The following CSE1L variants were observed in gnomAD, a reference collection of about 807,000 sequenced individuals.
CSE1L encodes the protein exportin-2.
Under a neutral mutation model 120.4 loss-of-function variants are expected in CSE1L, and 24 were observed. The observed-to-expected ratio is 0.20, with a 90% CI of 0.14 to 0.28. The LOEUF (loss-of-function observed/expected upper bound fraction) is 0.28, where lower values mean the gene tolerates loss of function less well. CSE1L is among the 10% of genes least tolerant of loss of function. The pLI is 1.00. For synonymous variants in CSE1L, 402 were observed against 398.3 expected (o/e 1.01, Z -0.11); for missense variants, 830 against 1,145.2 (o/e 0.72, Z 3.97).
chr20:49,091,144 C>A, intron 21 of CSE1L, 122 bp downstream of exon 21: 2 of 734,798 alleles, frequency 2.7e-6, no homozygotes, highest in Non-Finnish European at 4.5e-6. Flanking sequence ...AATACTTGGC[C>A]ACGTGTGGAG....
intron 2 of CSE1L, among the ~76,000 whole-genome samples, chr20:49,062,237 T>G (rs1357389416): frequency 6.6e-6 from 1 of 152,174 alleles, no homozygotes; most frequent in Non-Finnish European, 1.5e-5. Context: ...TTAACAATCT[T>G]CATCCTTCAA....
At chr20:49,073,532 C>A (rs2091947405) in intron 10 of CSE1L, among the ~76,000 whole-genome samples, 1 of 152,136 alleles carries the variant, frequency 6.6e-6, no homozygotes, top group Non-Finnish European at 1.5e-5. Context: ...GTCACCCAGG[C>A]TGGAGTGCAG....
rs758565893 is a variant in CSE1L, at chr20:49,066,245, C to G, written c.282C>G (p.Ala94=). The change falls in exon 4 of 25, where the codon GCC becomes GCG. Residue 94 remains alanine, a synonymous_variant. Coordinates refer to ENST00000262982, the MANE Select transcript of CSE1L (RefSeq NM_001316.4). ...AAGCCGATCGAGTGGCCATTAAAGC[C>G]AACATAGTGCACTTGATGCTTAGCA... The part of the protein sequence containing the change: ...ICEADRVAIK[A]NIVHLMLSSP... 1 of 1,614,180 alleles carries G rather than the reference C, an allele frequency of 6.2e-7. No individual in the cohort carries two copies. Among genetic ancestry groups the G allele is most frequent in the East Asian group, 2.2e-5 (1 of 44,888 alleles).
At position 49,070,216 on chromosome 20, in the gene CSE1L, A is replaced by T; in HGVS notation, c.687A>T (p.Glu229Asp). 3.5e-6 allele frequency: 5 copies of T among 1,436,744 alleles called. No individual in the cohort carries two copies. Among genetic ancestry groups the T allele is most frequent in the Non-Finnish European group, 4.8e-6 (5 of 1,041,702 alleles). The allele number at this position is 1,436,744 out of a possible 1,614,324, so 89.0% of individuals were successfully genotyped here. The change falls in exon 8 of 25, where the codon GAA becomes GAT. Residue 229 changes from glutamate to aspartate, a missense_variant. Coordinates refer to ENST00000262982, the MANE Select transcript of CSE1L (RefSeq NM_001316.4). ...TGTTTATTCTGTAGGATCTCCCTGA[A>T]TTTTTTGAAGATAATATGGAAACTT... The part of the protein sequence containing the change: ...FYSLNFQDLP[E>D]FFEDNMETWM...
chr20:49,089,522 T>G lies in CSE1L; in HGVS notation c.1973-16T>G. ...CCTTCTGAAGCTCACAGCTCTGTTT[T>G]TACTTTTATCAACAGAATTTATTCC... On this transcript the variant is annotated splice_polypyrimidine_tract_variant and intron_variant, in intron 18 of 24. Transcript: ENST00000262982. The G allele has an allele frequency of 6.2e-7, 1 of 1,613,288 alleles. No homozygotes were observed. Among genetic ancestry groups the G allele is most frequent in the Non-Finnish European group, 8.5e-7 (1 of 1,179,224 alleles).
chr20:49,047,140 A>C (rs1371514317), intron 1 of CSE1L, among the ~76,000 whole-genome samples: 5 of 152,002 alleles, frequency 3.3e-5, no homozygotes, highest in Admixed American at 3.3e-4. Flanking sequence ...TAGACTTTGG[A>C]ATTAGATCGC....
chr20:49,094,491 C>T (rs1476003895), intron 23 of CSE1L, among the ~76,000 whole-genome samples: 1 of 152,104 alleles, frequency 6.6e-6, no homozygotes, highest in Non-Finnish European at 1.5e-5. Flanking sequence ...GATTCATGGA[C>T]CCCTTTAAGA....
intron 15 of CSE1L, among the ~76,000 whole-genome samples, chr20:49,084,714 G>GA (rs2092040129): frequency 6.6e-6 from 1 of 152,166 alleles, no homozygotes; most frequent in Admixed American, 6.5e-5. Flanking sequence ...AAATGTAGAG[G>GA]AATGGATGGT....
chr20:49,059,734 G>A (rs1468705181), intron 2 of CSE1L, among the ~76,000 whole-genome samples: 4 of 151,980 alleles, frequency 2.6e-5, no homozygotes, highest in Non-Finnish European at 5.9e-5. Flanking sequence ...CAAAAACTTA[G>A]CTGGGTGTGG....
chr20:49,071,503 T>C (rs2091931240), intron 8 of CSE1L, among the ~76,000 whole-genome samples: 1 of 152,206 alleles, frequency 6.6e-6, no homozygotes, highest in East Asian at 1.9e-4. Flanking sequence ...CTCTGATGTC[T>C]TCCCTTGTCT....
rs1430693966 is a variant in CSE1L at position 49,074,822 on chromosome 20, G to C, written c.1104G>C (p.Glu368Asp). Residue 368 changes from glutamate to aspartate, a missense_variant, in exon 11 of 25, where the codon GAG (glutamate) becomes GAC (aspartate). Transcript: ENST00000262982. Reference sequence around the variant, plus strand: ...AAGCATTTGAAGATAATTCTGAGGAGTACATAAGGAGAGATTTGGAAGGAT... The same window carrying C: ...AAGCATTTGAAGATAATTCTGAGGACTACATAAGGAGAGATTTGGAAGGAT... ...DEEAFEDNSE[E>D]YIRRDLEGSD... is the part of the protein sequence containing the mutation. 2 of 1,612,818 alleles carry C rather than the reference G, an allele frequency of 1.2e-6. No homozygotes were observed. The highest frequency in any genetic ancestry group is 4.5e-5 in the East Asian group (2 of 44,752).
chr20:49,072,823 C>G, intron 10 of CSE1L, 126 bp downstream of exon 10: 1 of 1,005,322 alleles, frequency 9.9e-7, no homozygotes, highest in East Asian at 2.8e-5. Context: ...ATTTTCTAAA[C>G]CAAGACAGAA....
At chr20:49,076,520 C>CTTTTTTTTT (rs35713931) in intron 12 of CSE1L, among the ~76,000 whole-genome samples, 1 of 79,578 alleles carries the variant, frequency 1.3e-5, no homozygotes, top group Non-Finnish European at 2.3e-5. Context: ...CCCTCTCTCT[C>CTTTTTTTTT]TTTTTTTTTT....
chr20:49,089,170 G>A (rs1182206995), intron 17 of CSE1L, 77 bp from the exon 18 acceptor site: 10 of 1,161,040 alleles, frequency 8.6e-6, no homozygotes, highest in Non-Finnish European at 1.2e-5. Flanking sequence ...AAATAAGATG[G>A]CCTCTATTTT....
chr20:49,072,482 A>G, intron 9 of CSE1L, 29 bp downstream of exon 9: 3 of 1,610,232 alleles, frequency 1.9e-6, no homozygotes, highest in Non-Finnish European at 2.5e-6. Flanking sequence ...CAAATAATTA[A>G]AAGACATTCT....
At chr20:49,047,668 C>A (rs1490968127) in intron 1 of CSE1L, among the ~76,000 whole-genome samples, 1 of 145,498 alleles carries the variant, frequency 6.9e-6, no homozygotes, top group African/African-American at 2.5e-5. Flanking sequence ...CCTCCGCCTC[C>A]CGGATTCAAG....
intron 17 of CSE1L, 22 bp downstream of exon 17, chr20:49,088,128 G>A: frequency 6.6e-7 from 1 of 1,524,182 alleles, no homozygotes; most frequent in Non-Finnish European, 9.1e-7. Context: ...AATTTTGAAA[G>A]TGGGGTTCCT....
chr20:49,070,696 C>T (rs771006054), intron 8 of CSE1L, among the ~76,000 whole-genome samples: 21 of 77,818 alleles, frequency 2.7e-4, no homozygotes, highest in Admixed American at 4.8e-4. Context: ...TTTGGGCGGC[C>T]AAGGTGGGGA....
intron 3 of CSE1L, 46 bp from the exon 4 acceptor site, chr20:49,066,146 G>T: frequency 6.8e-7 from 1 of 1,468,534 alleles, no homozygotes; most frequent in South Asian, 1.2e-5. Context: ...ATGTGGACAT[G>T]AATGTGGATT....
Sources: gnomAD v4.1 joint callset for allele counts (sites outside exome capture counted in the v4.1 genomes callset) on GRCh38, gnomAD v4.1.1 for gene constraint, MANE v1.5 for transcripts, NCBI Gene and HGNC (gene_info 2026-07-23, HGNC 2026-07-21) for gene names.